Variants in RALGAPA1 observed in about 807,000 individuals in gnomAD.
RALGAPA1 encodes ral GTPase-activating protein subunit alpha-1.
A neutral mutation model predicts 269.6 loss-of-function variants in RALGAPA1; 52 were observed. The ratio of observed to expected loss-of-function variants is 0.19; its 90% CI spans 0.15 to 0.24. The LOEUF (loss-of-function observed/expected upper bound fraction) is 0.24. RALGAPA1 is among the 10% of genes least tolerant of loss of function. The probability of loss-of-function intolerance (pLI) is 1.00; values close to 1 mark genes in which losing one functional copy is unlikely to be tolerated. For synonymous variants in RALGAPA1, 817 were observed against 1,008.3 expected, an observed-to-expected ratio of 0.81 and a Z score of 3.60; for missense variants, 1,917 against 3,013.9, an observed-to-expected ratio of 0.64 and a Z score of 8.52.
intron 17 of RALGAPA1, among the ~76,000 whole-genome samples, chr14:35,693,867 G>A (rs970118129): frequency 4.0e-5 from 6 of 151,762 alleles, no homozygotes; most frequent in East Asian, 1.9e-4. Flanking sequence ...GTTTTTTCCC[G>A]GAAATATTTT....
intron 1 of RALGAPA1, among the ~76,000 whole-genome samples, chr14:35,782,890 C>T (rs1208871328): frequency 6.6e-6 from 1 of 151,818 alleles, no homozygotes; most frequent in Non-Finnish European, 1.5e-5. Flanking sequence ...GGTGCAGTCA[C>T]AGTTCACTGC....
At chr14:35,686,462 T>G in intron 19 of RALGAPA1, 80 bp downstream of exon 19, 1 of 1,027,748 alleles carries the variant, frequency 9.7e-7, no homozygotes, top group Admixed American at 3.4e-5. Context: ...ATATATAAAT[T>G]GACATATATG....
intron 36 of RALGAPA1, among the ~76,000 whole-genome samples, chr14:35,604,884 A>G (rs2059499264): frequency 6.6e-6 from 1 of 152,142 alleles, no homozygotes; most frequent in Admixed American, 6.5e-5. Context: ...TCATTTTTCA[A>G]TTCAAATAAA....
intron 1 of RALGAPA1, among the ~76,000 whole-genome samples, chr14:35,782,023 T>A (rs1235789377): frequency 6.6e-6 from 1 of 152,130 alleles, no homozygotes; most frequent in Non-Finnish European, 1.5e-5. Flanking sequence ...CATTGTAAAG[T>A]CCAAAGCATT....
chr14:35,577,278 C>A (rs935306464), intron 37 of RALGAPA1, among the ~76,000 whole-genome samples: 1 of 151,898 alleles, frequency 6.6e-6, no homozygotes, highest in Admixed American at 6.6e-5. Context: ...CCATCCACCC[C>A]CCAAATTCAT....
chr14:35,701,829 A>G (rs2067377228), intron 16 of RALGAPA1, among the ~76,000 whole-genome samples: 1 of 151,738 alleles, frequency 6.6e-6, no homozygotes. Context: ...CTCTATTTTT[A>G]GTGGAAACAA....
At chr14:35,577,704 A>G (rs1388173816) in intron 37 of RALGAPA1, among the ~76,000 whole-genome samples, 1 of 152,168 alleles carries the variant, frequency 6.6e-6, no homozygotes, top group Non-Finnish European at 1.5e-5. Flanking sequence ...GTGCCATATA[A>G]TATCACTTAT....
chr14:35,748,525 T>C lies in RALGAPA1; in HGVS notation c.1251+60A>G, dbSNP rs532348019. On this transcript the variant is annotated intron_variant, in intron 10 of 41. Transcript: ENST00000680220. Reference sequence around the variant, plus strand: ...CACTGTTCCCAGCTAAAAATCAGTATGTTTAATATTAAAGATAAAAGCCTT... The same window carrying C: ...CACTGTTCCCAGCTAAAAATCAGTACGTTTAATATTAAAGATAAAAGCCTT... The C allele has an allele frequency of 2.0e-6, 3 of 1,497,534 alleles. No homozygotes were observed. The South Asian group carries it at 4.1e-5, about 21-fold the overall frequency. 92.8% of individuals were successfully genotyped at this position (1,497,534 alleles called of 1,614,324 possible).
chr14:35,691,141 C>T (rs1290418615), intron 17 of RALGAPA1, among the ~76,000 whole-genome samples: 3 of 151,144 alleles, frequency 2.0e-5, no homozygotes, highest in African/African-American at 7.3e-5. Context: ...ATTTAACTAT[C>T]TCACAGATGA....
At chr14:35,625,264 C>T in intron 35 of RALGAPA1, 97 bp downstream of exon 35, 3 of 659,334 alleles carry the variant, frequency 4.6e-6, no homozygotes, top group Non-Finnish European at 4.6e-6. Flanking sequence ...ATCAATAACA[C>T]AGTATTATAT....
chr14:35,728,802 G>A (rs1460309831), intron 12 of RALGAPA1, among the ~76,000 whole-genome samples: 1 of 150,418 alleles, frequency 6.6e-6, no homozygotes, highest in African/African-American at 2.5e-5. Context: ...GTATGATTTC[G>A]GCTCACTGCA....
intron 12 of RALGAPA1, among the ~76,000 whole-genome samples, chr14:35,737,404 G>GC (rs778898285): frequency 6.6e-6 from 1 of 152,042 alleles, no homozygotes; most frequent in Non-Finnish European, 1.5e-5. Flanking sequence ...ACTCAGTAAT[G>GC]CCACTTTTGG....
chr14:35,549,937 T>C (rs1289820665), intron 39 of RALGAPA1, among the ~76,000 whole-genome samples: 2 of 152,170 alleles, frequency 1.3e-5, no homozygotes, highest in Non-Finnish European at 2.9e-5. Context: ...AAATACTGTC[T>C]AACAAAGCAT....
At chr14:35,749,676 T>C (rs1331444771) in intron 9 of RALGAPA1, among the ~76,000 whole-genome samples, 2 of 152,150 alleles carry the variant, frequency 1.3e-5, no homozygotes, top group African/African-American at 4.8e-5. Flanking sequence ...TAATAGTTCT[T>C]AATACAGAAG....
chr14:35,663,821 G>A (rs1275691031), intron 27 of RALGAPA1, among the ~76,000 whole-genome samples: 4 of 151,966 alleles, frequency 2.6e-5, no homozygotes, highest in African/African-American at 7.3e-5. Context: ...TCAATCTCCT[G>A]ACCTCGTGAT....
At chr14:35,737,574 T>C (rs892178565) in intron 12 of RALGAPA1, among the ~76,000 whole-genome samples, 9 of 149,868 alleles carry the variant, frequency 6.0e-5, no homozygotes, top group Non-Finnish European at 1.3e-4. Flanking sequence ...TTGGCCAACA[T>C]GACGAAACCC....
chr14:35,716,418 AAAGACTATTGCAATGTAAAC>A (rs1254509768), intron 16 of RALGAPA1, among the ~76,000 whole-genome samples: 1 of 151,314 alleles, frequency 6.6e-6, no homozygotes, highest in Non-Finnish European at 1.5e-5. Context: ...AAAAAAAAAA[AAAGACTATTGCAATGTAAAC>A]AGGTATACCT....
chr14:35,797,872 C>CTT (rs145226820), intron 1 of RALGAPA1, among the ~76,000 whole-genome samples: 3 of 148,656 alleles, frequency 2.0e-5, no homozygotes, highest in Non-Finnish European at 3.0e-5. Context: ...CTAAAAGAGA[C>CTT]TTTTTTTTTC....
intron 37 of RALGAPA1, among the ~76,000 whole-genome samples, chr14:35,575,240 T>C (rs2057471935): frequency 6.6e-6 from 1 of 152,100 alleles, no homozygotes; most frequent in South Asian, 2.1e-4. Flanking sequence ...ATTTCTGAAA[T>C]AGAGTAGAAG....
Sources: gnomAD v4.1 joint callset for allele counts (sites outside exome capture counted in the v4.1 genomes callset) on GRCh38, gnomAD v4.1.1 for gene constraint, MANE v1.5 for transcripts, NCBI Gene and HGNC (gene_info 2026-07-23, HGNC 2026-07-21) for gene names.